Variants in DOCK8 observed in about 807,000 individuals in gnomAD.
DOCK8 encodes dedicator of cytokinesis 8, also known as dedicator of cytokinesis protein 8.
A neutral mutation model predicts 245.6 loss-of-function variants in DOCK8; 141 were observed. The observed-to-expected ratio is 0.57, with a 90% CI of 0.50 to 0.66. The LOEUF (loss-of-function observed/expected upper bound fraction) is 0.66. Among genes scored for constraint, DOCK8 ranks in the 30% least tolerant of loss-of-function variants. DOCK8 has a pLI of 0.00. For missense variants in DOCK8, 2,965 were observed against 2,603.4 expected (o/e 1.14, Z -3.02); for synonymous variants, 1,168 against 970.2 (o/e 1.20, Z -3.79).
At chr9:217,117 C>T (rs971839302) in intron 1 of DOCK8, among the ~76,000 whole-genome samples, 4 of 152,106 alleles carry the variant, frequency 2.6e-5, no homozygotes, top group African/African-American at 9.7e-5. Context: ...AATTTAGAGA[C>T]AGTACAGAAA....
At position 222,358 on chromosome 9, in the gene DOCK8, C is replaced by T. The variant is rs553340753; in HGVS notation, c.53+7329C>T. On this transcript the variant is annotated intron_variant, in intron 1 of 47. Transcript: ENST00000432829. The stretch of plus-strand genomic sequence containing the variant: ...GCAGTCTTATACATACTTTTTTCTG[C>T]GCTAGTGCAAACACCTCCTTACAAA... Among the ~76,000 whole-genome samples the T allele has an allele frequency of 1.3e-4, 20 of 152,122 alleles. 1 individual carries two copies. The highest frequency in any genetic ancestry group is 3.9e-4 in the Admixed American group (6 of 15,300).
chr9:355,717 T>C (rs2052407409), intron 14 of DOCK8, among the ~76,000 whole-genome samples: 1 of 152,152 alleles, frequency 6.6e-6, no homozygotes, highest in Admixed American at 6.5e-5. Context: ...AACCCTAAGC[T>C]GTACATATGA....
At chr9:455,121 T>C (rs1156647820) in intron 46 of DOCK8, among the ~76,000 whole-genome samples, 4 of 152,224 alleles carry the variant, frequency 2.6e-5, no homozygotes, top group African/African-American at 7.2e-5. Context: ...GCTGGGCTGC[T>C]GCATTGTTCT....
intron 5 of DOCK8, among the ~76,000 whole-genome samples, chr9:305,640 A>G (rs989864190): frequency 6.6e-6 from 1 of 152,222 alleles, no homozygotes; most frequent in African/African-American, 2.4e-5. Context: ...TAAAGTGTAC[A>G]TATTGTGAAA....
At chr9:287,887 A>G (rs192168702) in intron 3 of DOCK8, among the ~76,000 whole-genome samples, 49 of 152,282 alleles carry the variant, frequency 3.2e-4, no homozygotes, top group South Asian at 1.2e-3. Flanking sequence ...TAAAATGCTT[A>G]CAGTAGCCAG....
At chr9:293,959 C>G (rs764597959) in intron 4 of DOCK8, among the ~76,000 whole-genome samples, 3 of 152,240 alleles carry the variant, frequency 2.0e-5, no homozygotes, top group Non-Finnish European at 4.4e-5. Flanking sequence ...CTACCCTTCC[C>G]TTAACTCACT....
chr9:347,084 G>A (rs1202059632), intron 14 of DOCK8, among the ~76,000 whole-genome samples: 2 of 152,118 alleles, frequency 1.3e-5, no homozygotes, highest in Non-Finnish European at 2.9e-5. Context: ...CTCCCATTCA[G>A]GTGGTCTGGG....
intron 26 of DOCK8, among the ~76,000 whole-genome samples, chr9:400,354 T>A (rs369863975): frequency 0.095 from 939 of 9,908 alleles, 42 homozygotes; most frequent in African/African-American, 0.12. Flanking sequence ...CACCACCACC[T>A]CCTCCACCAT....
intron 24 of DOCK8, among the ~76,000 whole-genome samples, chr9:393,271 G>C (rs1302241907): frequency 6.6e-6 from 1 of 152,070 alleles, no homozygotes; most frequent in Non-Finnish European, 1.5e-5. Context: ...ATTCTCTGCA[G>C]GTGTAATGAT....
intron 46 of DOCK8, among the ~76,000 whole-genome samples, chr9:458,794 G>A (rs1190931481): frequency 2.6e-5 from 4 of 152,150 alleles, no homozygotes; most frequent in Non-Finnish European, 5.9e-5. Flanking sequence ...CTGCATGACA[G>A]AATGAGATCC....
chr9:213,495 AATAAT>A (rs1486419020), upstream of DOCK8: 2 of 152,204 alleles, frequency 1.3e-5, no homozygotes, highest in African/African-American at 2.4e-5. Context: ...AATTAACTTT[AATAAT>A]ATATTTTTTA....
chr9:214,864 C>G (rs2236547), upstream of DOCK8: 32 of 1,604,732 alleles, frequency 2.0e-5, no homozygotes, highest in East Asian at 6.8e-5. Flanking sequence ...CAGCGCCGAC[C>G]GACAGACGAG....
At chr9:444,537 G>A (rs1373359181) in intron 43 of DOCK8, among the ~76,000 whole-genome samples, 3 of 151,978 alleles carry the variant, frequency 2.0e-5, no homozygotes, top group East Asian at 1.9e-4. Context: ...AGGAAGCTCC[G>A]CCAAGTCTCA....
In DOCK8 at chr9:463,612, A is replaced by G. The variant is rs2057876533; in HGVS notation, c.6164A>G (p.Glu2055Gly). Residue 2055 changes from glutamate to glycine, a missense_variant, in exon 47 of 48, where the codon GAG becomes GGG. Transcript: ENST00000432829. ...ELKKNYNKLK[E>G]NLRPMIERKI... Reference sequence around the variant, plus strand: ...AAAAAGAACTATAACAAGCTAAAAGAGAACCTCAGGCCAATGATCGAGCGG... The same window carrying G: ...AAAAAGAACTATAACAAGCTAAAAGGGAACCTCAGGCCAATGATCGAGCGG... 6.2e-7 allele frequency: 1 copy of G among 1,614,084 alleles called. No homozygotes were observed.
At chr9:461,226 A>C (rs1474051412) in intron 46 of DOCK8, among the ~76,000 whole-genome samples, 1 of 152,174 alleles carries the variant, frequency 6.6e-6, no homozygotes, top group East Asian at 1.9e-4. Flanking sequence ...AAGACTGGAT[A>C]TAGCTCTGTT....
chr9:362,922 T>C (rs1431007523), intron 14 of DOCK8, among the ~76,000 whole-genome samples: 1 of 152,210 alleles, frequency 6.6e-6, no homozygotes, highest in Admixed American at 6.5e-5. Context: ...GCAAAAGAAA[T>C]AGAAGATGGT....
At chr9:446,339 ATCT>A in intron 43 of DOCK8, 28 bp from the exon 44 acceptor site, 1 of 1,589,318 alleles carries the variant, frequency 6.3e-7, no homozygotes, top group Non-Finnish European at 8.6e-7. Flanking sequence ...AGAATAGCTC[ATCT>A]TCTCCCTCCG....
intron 1 of DOCK8, among the ~76,000 whole-genome samples, chr9:228,336 C>T (rs1050192226): frequency 2.6e-5 from 4 of 152,082 alleles, no homozygotes; most frequent in African/African-American, 9.7e-5. Flanking sequence ...TTCTTTGCAC[C>T]AGCATTAAGA....
chr9:396,876 C>A lies in DOCK8; in HGVS notation c.3062C>A (p.Thr1021Asn). ...RFSDRFMDDI[T>N]TIVNVVTSEI... The stretch of plus-strand genomic sequence containing the variant: ...TCTGACCGTTTCATGGATGACATAA[C>A]TACTATTGTTAATGTGGTCACCTCG... The change falls in exon 25 of 48, where the codon ACT (threonine) becomes AAT (asparagine). Residue 1021 changes from threonine to asparagine, a missense_variant. Transcript: ENST00000432829. 2 of 1,614,070 alleles carry A rather than the reference C, an allele frequency of 1.2e-6. No homozygotes were observed. The highest frequency in any genetic ancestry group is 1.3e-5 in the African/African-American group (1 of 75,004).
Sources: allele counts gnomAD v4.1 joint callset (sites outside exome capture counted in the v4.1 genomes callset), GRCh38; gene constraint gnomAD v4.1.1; transcripts MANE v1.5; gene names NCBI Gene and HGNC (gene_info 2026-07-23, HGNC 2026-07-21).